SGCZ: variants seen among roughly 807,000 people sequenced by gnomAD.
The protein encoded by SGCZ is zeta-sarcoglycan.
In SGCZ, 40 loss-of-function variants were observed where a neutral mutation model predicts 41.3. That is an observed-to-expected ratio of 0.97 (90% CI 0.75 to 1.26). SGCZ has a LOEUF of 1.26. Among genes scored for constraint, SGCZ ranks in the 50% most tolerant of loss-of-function variants. The pLI is 0.00. For missense variants in SGCZ, 552 were observed against 369.8 expected (o/e 1.49, Z -4.04); for synonymous variants, 206 against 137.5 (o/e 1.50, Z -3.49).
chr8:14,910,353 C>A (rs1056478900), intron 1 of SGCZ, among the ~76,000 whole-genome samples: 1 of 151,976 alleles, frequency 6.6e-6, no homozygotes, highest in African/African-American at 2.4e-5. Context: ...CCATTTAATA[C>A]ATAAGGACAC....
At chr8:14,406,588 G>T (rs1448553138) in intron 2 of SGCZ, among the ~76,000 whole-genome samples, 1 of 152,112 alleles carries the variant, frequency 6.6e-6, no homozygotes, top group Non-Finnish European at 1.5e-5. Flanking sequence ...CTGCCCAGGT[G>T]GGGCTCGGGC....
chr8:14,606,461 G>A (rs10096729), intron 1 of SGCZ, among the ~76,000 whole-genome samples: 24,066 of 152,084 alleles, frequency 0.16, 2,347 homozygotes, highest in Non-Finnish European at 0.21. Context: ...TTAAGTTGTT[G>A]TTGAGAACTT....
At chr8:14,654,397 T>C (rs956535757) in intron 1 of SGCZ, among the ~76,000 whole-genome samples, 2 of 152,004 alleles carry the variant, frequency 1.3e-5, no homozygotes, top group African/African-American at 2.4e-5. Flanking sequence ...AAGATGATGG[T>C]CATGAAAATA....
intron 1 of SGCZ, among the ~76,000 whole-genome samples, chr8:14,769,793 T>TAAAAAAAAAAAAAAAAAAAAAAA (rs565416806): frequency 3.3e-4 from 17 of 52,200 alleles, no homozygotes; most frequent in African/African-American, 1.4e-3. Flanking sequence ...AAAACACCAT[T>TAAAAAAAAAAAAAAAAAAAAAAA]AAAAAAAAAA....
At chr8:14,328,144 T>C (rs1322815262) in intron 2 of SGCZ, among the ~76,000 whole-genome samples, 1 of 152,212 alleles carries the variant, frequency 6.6e-6, no homozygotes, top group Non-Finnish European at 1.5e-5. Context: ...CTGTATAACA[T>C]ATATTCCATA....
chr8:14,523,160 G>C (rs1465439433), intron 2 of SGCZ, among the ~76,000 whole-genome samples: 1 of 151,940 alleles, frequency 6.6e-6, no homozygotes, highest in Non-Finnish European at 1.5e-5. Flanking sequence ...CCACTTTAGA[G>C]AGTGTTGTAA....
At chr8:14,982,179 G>T (rs771158724) in intron 1 of SGCZ, among the ~76,000 whole-genome samples, 8 of 150,908 alleles carry the variant, frequency 5.3e-5, no homozygotes, top group Non-Finnish European at 5.9e-5. Flanking sequence ...AAAAGGAAAT[G>T]ACATTATTTG....
chr8:14,137,650 A>T (rs1291804618), intron 5 of SGCZ, among the ~76,000 whole-genome samples: 1 of 152,226 alleles, frequency 6.6e-6, no homozygotes, highest in African/African-American at 2.4e-5. Context: ...AAAAGAAATG[A>T]ACAAAGCCTC....
intron 2 of SGCZ, among the ~76,000 whole-genome samples, chr8:14,380,744 C>T (rs1471360745): frequency 1.3e-5 from 2 of 152,068 alleles, no homozygotes; most frequent in East Asian, 1.9e-4. Flanking sequence ...CCCAGCTACT[C>T]GCTACTTGGA....
intron 2 of SGCZ, among the ~76,000 whole-genome samples, chr8:14,375,141 G>GACAGACAGACAA (rs1488129947): frequency 1.4e-5 from 2 of 146,390 alleles, no homozygotes; most frequent in African/African-American, 5.4e-5. Flanking sequence ...CAGACAGACA[G>GACAGACAGACAA]ACAGATAGAT....
intron 2 of SGCZ, among the ~76,000 whole-genome samples, chr8:14,544,265 T>C (rs1038666072): frequency 6.6e-6 from 1 of 152,178 alleles, no homozygotes; most frequent in South Asian, 2.1e-4. Flanking sequence ...AAGCTGAGGA[T>C]GTACATCACC....
chr8:14,522,943 T>G (rs2117104451), intron 2 of SGCZ, among the ~76,000 whole-genome samples: 1 of 151,976 alleles, frequency 6.6e-6, no homozygotes, highest in South Asian at 2.1e-4. Flanking sequence ...CTATTTTGAT[T>G]TATCTATATT....
At chr8:14,238,206 G>A (rs1806837502) in intron 3 of SGCZ, among the ~76,000 whole-genome samples, 1 of 152,106 alleles carries the variant, frequency 6.6e-6, no homozygotes, top group Non-Finnish European at 1.5e-5. Flanking sequence ...GTGTCTATCT[G>A]GGATTTTTTT....
intron 1 of SGCZ, among the ~76,000 whole-genome samples, chr8:15,126,197 A>C (rs541233276): frequency 1.3e-5 from 2 of 152,288 alleles, no homozygotes; most frequent in East Asian, 3.9e-4. Flanking sequence ...AAGTAGATGA[A>C]TTAAAATCAT....
At chr8:14,654,967 A>G (rs1585157699) in intron 1 of SGCZ, among the ~76,000 whole-genome samples, 3 of 152,118 alleles carry the variant, frequency 2.0e-5, no homozygotes, top group South Asian at 2.1e-4. Context: ...CACTGGCCCC[A>G]TCATTACTTT....
At chr8:14,353,143 T>G in intron 2 of SGCZ, among the ~76,000 whole-genome samples, 1 of 151,396 alleles carries the variant, frequency 6.6e-6, no homozygotes, top group East Asian at 1.9e-4. Flanking sequence ...AACTTCTCTG[T>G]GACTAAGTTT....
chr8:14,801,362 A>C (rs2130503435), intron 1 of SGCZ, among the ~76,000 whole-genome samples: 1 of 152,314 alleles, frequency 6.6e-6, no homozygotes, highest in Non-Finnish European at 1.5e-5. Context: ...ATGAGGAAAA[A>C]ATCCTATGAA....
intron 2 of SGCZ, among the ~76,000 whole-genome samples, chr8:14,488,273 G>A (rs1315931770): frequency 6.6e-6 from 1 of 152,184 alleles, no homozygotes; most frequent in Non-Finnish European, 1.5e-5. Flanking sequence ...CAGGATTGAT[G>A]GATTGATATT....
intron 1 of SGCZ, among the ~76,000 whole-genome samples, chr8:15,076,976 C>T (rs568705011): frequency 3.9e-5 from 6 of 152,096 alleles, no homozygotes; most frequent in South Asian, 2.1e-4. Flanking sequence ...TGACAAGTTG[C>T]GCTTTTCTAC....
Sources: allele counts gnomAD v4.1 joint callset (sites outside exome capture counted in the v4.1 genomes callset), GRCh38; gene constraint gnomAD v4.1.1; transcripts MANE v1.5; gene names NCBI Gene and HGNC (gene_info 2026-07-23, HGNC 2026-07-21).